GPC3: variants seen among roughly 807,000 people sequenced by gnomAD.
The protein encoded by GPC3 is glypican-3.
In GPC3, 3 loss-of-function variants were observed where a neutral mutation model predicts 34.4. That is an observed-to-expected ratio of 0.09 (90% CI 0.04 to 0.23). The LOEUF is 0.23. GPC3 is among the 10% of genes least tolerant of loss of function. GPC3 has a pLI of 1.00. For synonymous variants in GPC3, 177 were observed against 174.0 expected (o/e 1.02, Z -0.13); for missense variants, 351 against 445.6 (o/e 0.79, Z 1.91).
chrX:133,537,542 G>C (rs1467613712), intron 7 of GPC3, among the ~76,000 whole-genome samples: 1 of 111,714 alleles, frequency 9.0e-6, no homozygotes, highest in Non-Finnish European at 1.9e-5. Flanking sequence ...GGCTAGCACT[G>C]GTTAGGGCAG....
At chrX:133,552,943 T>G (rs2069448920) in intron 7 of GPC3, among the ~76,000 whole-genome samples, 3 of 111,588 alleles carry the variant, frequency 2.7e-5, no homozygotes, top group Non-Finnish European at 3.8e-5. Flanking sequence ...AGATGCTAAG[T>G]GGCTCAAACT....
chrX:133,763,987 G>A (rs150240372), intron 2 of GPC3, among the ~76,000 whole-genome samples: 6 of 111,709 alleles, frequency 5.4e-5, no homozygotes, highest in Admixed American at 9.5e-5. Flanking sequence ...TCATCACAGC[G>A]CTATTCACAA....
intron 2 of GPC3, among the ~76,000 whole-genome samples, chrX:133,820,915 T>G (rs759576553): frequency 9.0e-6 from 1 of 111,634 alleles, no homozygotes; most frequent in Admixed American, 9.5e-5. Context: ...AGCACTAGGA[T>G]CTCAAACTGA....
intron 7 of GPC3, among the ~76,000 whole-genome samples, chrX:133,543,908 G>T (rs143802241): frequency 0.016 from 1,825 of 111,936 alleles, 19 homozygotes; most frequent in Admixed American, 0.023. Flanking sequence ...CTGACGTAGT[G>T]GGGGGATTTA....
At chrX:133,680,794 A>C (rs1204503997) in intron 5 of GPC3, among the ~76,000 whole-genome samples, 2 of 111,747 alleles carry the variant, frequency 1.8e-5, no homozygotes, top group Non-Finnish European at 3.8e-5. Context: ...ATCTCTATAA[A>C]GCAGTCATAG....
At chrX:133,896,507 G>A (rs930271893) in intron 2 of GPC3, among the ~76,000 whole-genome samples, 3 of 111,930 alleles carry the variant, frequency 2.7e-5, no homozygotes, top group Non-Finnish European at 5.6e-5. Flanking sequence ...AGCATCAAGA[G>A]AAATATAATT....
chrX:133,783,004 C>G (rs750364211), intron 2 of GPC3, among the ~76,000 whole-genome samples: 3 of 109,976 alleles, frequency 2.7e-5, no homozygotes, highest in Non-Finnish European at 3.8e-5. Flanking sequence ...AGGGGGTGGA[C>G]AGAGAGGGAT....
intron 7 of GPC3, among the ~76,000 whole-genome samples, chrX:133,560,460 C>G (rs953525019): frequency 8.9e-5 from 10 of 112,385 alleles, no homozygotes; most frequent in African/African-American, 3.2e-4. Flanking sequence ...CTATTTTGGC[C>G]GGGCATGGTG....
intron 2 of GPC3, among the ~76,000 whole-genome samples, chrX:133,755,285 T>C (rs940438770): frequency 3.6e-5 from 4 of 111,835 alleles, no homozygotes; most frequent in African/African-American, 1.3e-4. Flanking sequence ...TCATGAGCCT[T>C]GAAAAATCGA....
intron 3 of GPC3, among the ~76,000 whole-genome samples, chrX:133,738,844 C>T (rs938031902): frequency 4.5e-5 from 5 of 111,554 alleles, no homozygotes; most frequent in Non-Finnish European, 9.4e-5. Context: ...TCAATTTATC[C>T]GAACATCTGG....
At chrX:133,969,039 T>G (rs1427287302) in intron 1 of GPC3, among the ~76,000 whole-genome samples, 1 of 110,423 alleles carries the variant, frequency 9.1e-6, no homozygotes, top group Non-Finnish European at 1.9e-5. Context: ...CCTAATATAT[T>G]TTTAAGTGTG....
chrX:133,802,914 C>CTTT (rs751359373), intron 2 of GPC3, among the ~76,000 whole-genome samples: 41 of 68,510 alleles, frequency 6.0e-4, no homozygotes, highest in East Asian at 2.0e-3. Flanking sequence ...GGAAGGTATT[C>CTTT]TTTTTTTTTT....
At chrX:133,769,578 C>A (rs1026168953) in intron 2 of GPC3, among the ~76,000 whole-genome samples, 2 of 111,240 alleles carry the variant, frequency 1.8e-5, no homozygotes, top group South Asian at 7.6e-4. Context: ...GGAAAATATA[C>A]TATAATACCA....
chrX:133,981,036 T>C (rs1355296285), intron 1 of GPC3, among the ~76,000 whole-genome samples: 1 of 112,497 alleles, frequency 8.9e-6, no homozygotes, highest in East Asian at 2.8e-4. Flanking sequence ...AAATTCTTCT[T>C]ATGTCTGTAT....
At chrX:133,758,947 C>T (rs2071757782) in intron 2 of GPC3, among the ~76,000 whole-genome samples, 1 of 111,060 alleles carries the variant, frequency 9.0e-6, no homozygotes, top group Non-Finnish European at 1.9e-5. Context: ...TCATGCTTAA[C>T]GGTGAGCAAC....
intron 2 of GPC3, among the ~76,000 whole-genome samples, chrX:133,793,101 C>A (rs1441601641): frequency 9.0e-5 from 10 of 110,836 alleles, no homozygotes; most frequent in Non-Finnish European, 7.6e-5. Flanking sequence ...CAACTCCTGG[C>A]ATCAAAGTAG....
chrX:133,785,192 C>T (rs2072089106), intron 2 of GPC3, among the ~76,000 whole-genome samples: 1 of 111,328 alleles, frequency 9.0e-6, no homozygotes, highest in African/African-American at 3.3e-5. Flanking sequence ...TTCTCTCTTT[C>T]TCTTTTGGTT....
At chrX:133,564,467 A>G (rs1174567740) in intron 7 of GPC3, among the ~76,000 whole-genome samples, 1 of 110,532 alleles carries the variant, frequency 9.0e-6, no homozygotes, top group Non-Finnish European at 1.9e-5. Context: ...CAAGTCAGAG[A>G]CTCTCATCCC....
chrX:133,947,898 A>C (rs2076376023), intron 2 of GPC3, among the ~76,000 whole-genome samples: 1 of 111,855 alleles, frequency 8.9e-6, no homozygotes, highest in African/African-American at 3.3e-5. Flanking sequence ...CGGCAAATGA[A>C]TTAAGTTTTG....
Sources: allele counts gnomAD v4.1 joint callset (sites outside exome capture counted in the v4.1 genomes callset), GRCh38; gene constraint gnomAD v4.1.1; transcripts MANE v1.5; gene names NCBI Gene and HGNC (gene_info 2026-07-23, HGNC 2026-07-21).